The following IL1RAPL2 variants were observed in gnomAD, a reference collection of about 807,000 sequenced individuals.
IL1RAPL2 encodes the protein X-linked interleukin-1 receptor accessory protein-like 2.
In IL1RAPL2, 3 loss-of-function variants were observed where a neutral mutation model predicts 44.1. The observed-to-expected ratio is 0.07, with a 90% CI of 0.03 to 0.18. IL1RAPL2 has a LOEUF of 0.18. Ranked by LOEUF, IL1RAPL2 falls within the 10% of genes least tolerant of loss-of-function variation. The pLI, the probability that IL1RAPL2 is intolerant of heterozygous loss-of-function variation, is 1.00. For synonymous variants in IL1RAPL2, 181 were observed against 178.8 expected (o/e 1.01, Z -0.10); for missense variants, 391 against 496.4 (o/e 0.79, Z 2.02).
intron 5 of IL1RAPL2, among the ~76,000 whole-genome samples, chrX:105,298,623 C>T (rs1329841789): frequency 9.1e-6 from 1 of 109,559 alleles, no homozygotes; most frequent in Non-Finnish European, 1.9e-5. Context: ...GGAGAGAAGT[C>T]AGGAGTGGAT....
At chrX:105,018,686 G>C (rs780640611) in intron 2 of IL1RAPL2, among the ~76,000 whole-genome samples, 14 of 111,281 alleles carry the variant, frequency 1.3e-4, no homozygotes, top group Non-Finnish European at 2.5e-4. Context: ...GTATTATTGA[G>C]AGATTTAAAT....
chrX:105,074,438 A>C (rs2032259140), intron 2 of IL1RAPL2, among the ~76,000 whole-genome samples: 1 of 111,568 alleles, frequency 9.0e-6, no homozygotes, highest in Admixed American at 9.6e-5. Flanking sequence ...TGTTTTGGTT[A>C]GTGTAGCTTG....
At chrX:105,038,451 C>G (rs2031666147) in intron 2 of IL1RAPL2, among the ~76,000 whole-genome samples, 1 of 111,732 alleles carries the variant, frequency 8.9e-6, no homozygotes, top group African/African-American at 3.3e-5. Flanking sequence ...CTGCAGGCCA[C>G]TGGGGCAGAG....
chrX:104,578,723 G>T (rs1443754253), intron 1 of IL1RAPL2, among the ~76,000 whole-genome samples: 1 of 111,532 alleles, frequency 9.0e-6, no homozygotes, highest in Non-Finnish European at 1.9e-5. Flanking sequence ...GATGTTCCAG[G>T]AAAATTATTT....
At chrX:105,335,366 A>G (rs992258078) in intron 5 of IL1RAPL2, among the ~76,000 whole-genome samples, 2 of 111,328 alleles carry the variant, frequency 1.8e-5, no homozygotes, top group Non-Finnish European at 3.8e-5. Flanking sequence ...CTGGTGCCAT[A>G]ATATAGCATA....
chrX:104,800,469 G>A (rs910589860), intron 2 of IL1RAPL2, among the ~76,000 whole-genome samples: 2 of 111,824 alleles, frequency 1.8e-5, no homozygotes, highest in African/African-American at 6.5e-5. Flanking sequence ...CAGTGACACT[G>A]TGTGCATACC....
chrX:105,533,477 T>G (rs1228524040), intron 6 of IL1RAPL2, among the ~76,000 whole-genome samples: 1 of 111,939 alleles, frequency 8.9e-6, no homozygotes, highest in African/African-American at 3.2e-5. Context: ...ACCATTTGTG[T>G]TCATGTGTGT....
At chrX:104,651,472 CT>C (rs932480038) in intron 1 of IL1RAPL2, among the ~76,000 whole-genome samples, 2 of 111,650 alleles carry the variant, frequency 1.8e-5, no homozygotes, top group Non-Finnish European at 3.8e-5. Context: ...CTCAAATCAA[CT>C]TTTTTTGCCA....
At chrX:104,740,914 C>T (rs1932091927) in intron 2 of IL1RAPL2, among the ~76,000 whole-genome samples, 1 of 111,367 alleles carries the variant, frequency 9.0e-6, no homozygotes, top group South Asian at 3.7e-4. Flanking sequence ...TATTAAACTG[C>T]AGTGTCCAGT....
intron 6 of IL1RAPL2, among the ~76,000 whole-genome samples, chrX:105,567,381 C>G (rs1352129435): frequency 9.0e-6 from 1 of 111,472 alleles, no homozygotes; most frequent in African/African-American, 3.3e-5. Context: ...GACATACAAG[C>G]AGGGAGGTAT....
At chrX:104,851,011 A>G (rs1427321271) in intron 2 of IL1RAPL2, among the ~76,000 whole-genome samples, 1 of 111,322 alleles carries the variant, frequency 9.0e-6, no homozygotes, top group Non-Finnish European at 1.9e-5. Flanking sequence ...TAGAATTTTG[A>G]GAATCCTGTT....
chrX:105,763,681 A>G (rs1282400990), intron 10 of IL1RAPL2, among the ~76,000 whole-genome samples: 1 of 110,903 alleles, frequency 9.0e-6, no homozygotes, highest in Admixed American at 9.6e-5. Flanking sequence ...AGAGAAAAAC[A>G]GAGAGCAAGC....
At chrX:104,976,372 G>A (rs183650500) in intron 2 of IL1RAPL2, among the ~76,000 whole-genome samples, 25 of 111,830 alleles carry the variant, frequency 2.2e-4, no homozygotes, top group Admixed American at 5.7e-4. Context: ...TGCTATCTAA[G>A]TATAGGTAGT....
At chrX:105,127,034 A>G (rs2032982197) in intron 2 of IL1RAPL2, among the ~76,000 whole-genome samples, 1 of 111,480 alleles carries the variant, frequency 9.0e-6, no homozygotes. Context: ...AGCATCAGCT[A>G]AAGCTTCATC....
intron 2 of IL1RAPL2, among the ~76,000 whole-genome samples, chrX:104,984,463 G>A (rs373185599): frequency 2.7e-5 from 3 of 111,428 alleles, no homozygotes; most frequent in African/African-American, 9.8e-5. Flanking sequence ...AGGTAGCTCT[G>A]GAGGCAGTAA....
At chrX:105,221,005 G>C (rs1441552326) in intron 3 of IL1RAPL2, among the ~76,000 whole-genome samples, 1 of 112,065 alleles carries the variant, frequency 8.9e-6, no homozygotes, top group Non-Finnish European at 1.9e-5. Flanking sequence ...TAATGGGTAT[G>C]TTCTAGAACA....
chrX:104,821,053 C>T (rs1236756177), intron 2 of IL1RAPL2, among the ~76,000 whole-genome samples: 4 of 111,586 alleles, frequency 3.6e-5, no homozygotes, highest in African/African-American at 1.3e-4. Flanking sequence ...TTAACAAGGT[C>T]CCAAGTTTCC....
chrX:105,316,908 A>AT (rs145680042), intron 5 of IL1RAPL2, among the ~76,000 whole-genome samples: 1,136 of 105,574 alleles, frequency 0.011, 18 homozygotes, highest in African/African-American at 0.032. Flanking sequence ...GTCTCCAGTA[A>AT]TTTTTTTTTT....
intron 1 of IL1RAPL2, among the ~76,000 whole-genome samples, chrX:104,581,634 A>G (rs1928347615): frequency 9.0e-6 from 1 of 111,297 alleles, no homozygotes; most frequent in Admixed American, 9.6e-5. Flanking sequence ...CTTTTGCATG[A>G]AGGATGCTAG....
Sources: allele counts gnomAD v4.1 joint callset (sites outside exome capture counted in the v4.1 genomes callset), GRCh38; gene constraint gnomAD v4.1.1; transcripts MANE v1.5; gene names NCBI Gene and HGNC (gene_info 2026-07-23, HGNC 2026-07-21).